VWC2: variants seen among roughly 807,000 people sequenced by gnomAD.
VWC2 encodes brorin.
VWC2 carries 14 observed loss-of-function variants against 29.8 expected under a neutral mutation model. The observed-to-expected ratio is 0.47, with a 90% CI of 0.31 to 0.74. The LOEUF (loss-of-function observed/expected upper bound fraction) is 0.74. VWC2 is among the 30% of genes least tolerant of loss of function. VWC2 has a pLI of 0.05. For synonymous variants in VWC2, 213 were observed against 199.0 expected, an observed-to-expected ratio of 1.07 and a Z score of -0.59; for missense variants, 457 against 459.8, an observed-to-expected ratio of 0.99 and a Z score of 0.05.
intron 3 of VWC2, among the ~76,000 whole-genome samples, chr7:49,829,062 C>G (rs1210938678): frequency 1.3e-5 from 2 of 152,218 alleles, no homozygotes; most frequent in East Asian, 1.9e-4. Flanking sequence ...TCCCAGTGGT[C>G]CCCTGAGGGT....
At chr7:49,885,725 G>T (rs957910974) in intron 3 of VWC2, among the ~76,000 whole-genome samples, 1 of 152,248 alleles carries the variant, frequency 6.6e-6, no homozygotes, top group African/African-American at 2.4e-5. Flanking sequence ...GAGGGTGTAA[G>T]AAATTGGGGC....
At chr7:49,840,250 A>G (rs151261156) in intron 3 of VWC2, among the ~76,000 whole-genome samples, 1 of 152,326 alleles carries the variant, frequency 6.6e-6, no homozygotes, top group African/African-American at 2.4e-5. Context: ...AAACTATGAA[A>G]ATGACTATGG....
intron 3 of VWC2, among the ~76,000 whole-genome samples, chr7:49,858,515 C>T (rs866305921): frequency 3.3e-4 from 44 of 135,150 alleles, no homozygotes; most frequent in African/African-American, 1.2e-3. Flanking sequence ...TGACAACACA[C>T]GGACACAGGA....
At chr7:49,810,214 T>G (rs1048603660) in intron 3 of VWC2, among the ~76,000 whole-genome samples, 1 of 151,930 alleles carries the variant, frequency 6.6e-6, no homozygotes, top group Non-Finnish European at 1.5e-5. Flanking sequence ...TAAAGATTAA[T>G]ACCAGATACA....
rs547690938 is a variant in VWC2 at position 49,885,388 on chromosome 7, T to A, written c.827-26646T>A. On this transcript the variant is annotated intron_variant, in intron 3 of 3. Transcript: ENST00000340652. ...AGTAAAACTATATAAATATATACAA[T>A]TATGTTCATAAAAATTAAGAATAAA... Among the ~76,000 whole-genome samples, 3 of 152,200 alleles carry A rather than the reference T, an allele frequency of 2.0e-5. No homozygotes were observed. In the South Asian group the frequency reaches 6.2e-4, roughly 32 times the overall value.
chr7:49,806,713 C>T (rs1259238217), intron 3 of VWC2, among the ~76,000 whole-genome samples: 7 of 151,616 alleles, frequency 4.6e-5, no homozygotes, highest in East Asian at 1.9e-4. Flanking sequence ...TTAGACAAAA[C>T]GGAATGGTGT....
chr7:49,791,215 C>A (rs1788456648), intron 2 of VWC2, among the ~76,000 whole-genome samples: 2 of 152,292 alleles, frequency 1.3e-5, no homozygotes, highest in African/African-American at 4.8e-5. Flanking sequence ...TCTACGTGCA[C>A]CCTAAGGGTG....
intron 3 of VWC2, among the ~76,000 whole-genome samples, chr7:49,866,173 T>C (rs1004385803): frequency 7.2e-5 from 11 of 152,236 alleles, no homozygotes; most frequent in African/African-American, 2.7e-4. Context: ...CTTTGGATTG[T>C]TTCTCACTTG....
At chr7:49,890,413 TAA>T (rs1460815338) in intron 3 of VWC2, among the ~76,000 whole-genome samples, 3 of 152,176 alleles carry the variant, frequency 2.0e-5, no homozygotes, top group Non-Finnish European at 4.4e-5. Flanking sequence ...AATGCATATA[TAA>T]GATTGCTAAA....
At chr7:49,877,481 A>AAAAAAAACATATATATAT in intron 3 of VWC2, among the ~76,000 whole-genome samples, 1 of 12,722 alleles carries the variant, frequency 7.9e-5, no homozygotes, top group African/African-American at 2.8e-4. Context: ...AAAAAAAAAA[A>AAAAAAAACATATATATAT]ATATATATAT....
intron 2 of VWC2, among the ~76,000 whole-genome samples, chr7:49,776,623 A>T (rs1788060122): frequency 6.6e-6 from 1 of 152,354 alleles, no homozygotes; most frequent in East Asian, 1.9e-4. Flanking sequence ...AAATTAAAAG[A>T]AAAAGAAAAT....
intron 3 of VWC2, among the ~76,000 whole-genome samples, chr7:49,873,779 G>A (rs1791279671): frequency 1.3e-5 from 2 of 151,908 alleles, no homozygotes; most frequent in African/African-American, 4.8e-5. Context: ...ATACAAAATA[G>A]AAACAGGCTG....
In VWC2 at chr7:49,775,645, C is replaced by T; in HGVS notation, c.210C>T (p.Gly70=). The part of the protein sequence containing the change: ...NELGRPARDE[G]GSGRDWKSKS... ...TCGGGCGCCCGGCGAGGGACGAGGG[C>T]GGCAGCGGCCGGGACTGGAAGAGCA... The change falls in exon 2 of 4, where the codon GGC becomes GGT. Residue 70 remains glycine (G), a synonymous_variant. Coordinates refer to ENST00000340652, the MANE Select transcript of VWC2 (RefSeq NM_198570.5). The T allele has an allele frequency of 1.3e-6, 2 of 1,528,238 alleles. No individual in the cohort carries two copies. Among genetic ancestry groups the T allele is most frequent in the African/African-American group, 1.4e-5 (1 of 70,678 alleles). 94.7% of individuals were successfully genotyped at this position (1,528,238 alleles called of 1,614,324 possible).
intron 3 of VWC2, among the ~76,000 whole-genome samples, chr7:49,882,699 A>G (rs748687816): frequency 5.9e-5 from 9 of 152,290 alleles, no homozygotes; most frequent in Non-Finnish European, 8.8e-5. Flanking sequence ...CTGGGTGTCA[A>G]TTGAAGAGAT....
At chr7:49,827,180 A>G (rs1437855480) in intron 3 of VWC2, among the ~76,000 whole-genome samples, 1 of 152,050 alleles carries the variant, frequency 6.6e-6, no homozygotes, top group South Asian at 2.1e-4. Context: ...AGTTGTGCTT[A>G]TGAATAGGAC....
At chr7:49,861,555 G>A (rs1790654127) in intron 3 of VWC2, among the ~76,000 whole-genome samples, 1 of 152,096 alleles carries the variant, frequency 6.6e-6, no homozygotes, top group Non-Finnish European at 1.5e-5. Flanking sequence ...TCATTTCTAA[G>A]AATCTGCTGC....
At chr7:49,824,027 A>G (rs1405928060) in intron 3 of VWC2, among the ~76,000 whole-genome samples, 1 of 152,072 alleles carries the variant, frequency 6.6e-6, no homozygotes, top group East Asian at 1.9e-4. Context: ...GTATATGTGT[A>G]TATGGCATTT....
At chr7:49,858,207 A>G (rs1000815852) in intron 3 of VWC2, among the ~76,000 whole-genome samples, 24 of 152,182 alleles carry the variant, frequency 1.6e-4, no homozygotes, top group Admixed American at 1.5e-3. Context: ...TTTACTGGGT[A>G]TATACCCAAA....
chr7:49,810,627 T>C (rs1788987718), intron 3 of VWC2, among the ~76,000 whole-genome samples: 2 of 152,098 alleles, frequency 1.3e-5, no homozygotes, highest in African/African-American at 4.8e-5. Flanking sequence ...TTGTAACCTA[T>C]TAGAAAATCA....
Sources: gnomAD v4.1 joint callset for allele counts (sites outside exome capture counted in the v4.1 genomes callset) on GRCh38, gnomAD v4.1.1 for gene constraint, MANE v1.5 for transcripts, NCBI Gene and HGNC (gene_info 2026-07-23, HGNC 2026-07-21) for gene names.